Variants in GNB1L observed in about 807,000 individuals in gnomAD.
GNB1L encodes the protein G protein subunit beta 1 like, also known as guanine nucleotide-binding protein subunit beta-like protein 1.
GNB1L carries 20 observed loss-of-function variants against 29.1 expected under a neutral mutation model. The ratio of observed to expected loss-of-function variants is 0.69; its 90% CI spans 0.48 to 1.00. The LOEUF is 1.00. Ranked by LOEUF, GNB1L falls within the 50% of genes least tolerant of loss-of-function variation. The pLI is 0.00. For missense variants in GNB1L, 421 were observed against 464.9 expected (o/e 0.91, Z 0.87); for synonymous variants, 193 against 206.5 (o/e 0.93, Z 0.56).
chr22:19,813,951 G>A (rs1159804413), intron 4 of GNB1L, among the ~76,000 whole-genome samples: 3 of 152,074 alleles, frequency 2.0e-5, no homozygotes, highest in East Asian at 1.9e-4. Context: ...AGCCATGATC[G>A]AGTGACTGTG....
Position 19,792,469 on chromosome 22 carries a change from G to A in GNB1L, c.733-3509C>T, listed in dbSNP as rs1226390053. 276 of 1,580,246 alleles carry A rather than the reference G, an allele frequency of 1.7e-4. 1 individual carries two copies. In the East Asian group the frequency reaches 5.7e-3, roughly 33 times the overall value. On this transcript the variant is annotated intron_variant, in intron 7 of 7. Coordinates refer to ENST00000329517, the MANE Select transcript of GNB1L (RefSeq NM_053004.3). ...CTCACCCACTTTGTGAAATGGCCCC[G>A]CTATATCAGGTTGCAGCGGCAGAGA...
At chr22:19,826,874 T>C (rs1319087256) in intron 2 of GNB1L, among the ~76,000 whole-genome samples, 1 of 152,072 alleles carries the variant, frequency 6.6e-6, no homozygotes, top group Non-Finnish European at 1.5e-5. Context: ...AAGGAAACAA[T>C]CAGACACATC....
At chr22:19,805,312 T>TG (rs1429297422) in intron 6 of GNB1L, among the ~76,000 whole-genome samples, 1 of 152,094 alleles carries the variant, frequency 6.6e-6, no homozygotes, top group Non-Finnish European at 1.5e-5. Context: ...AGAGAAAAGC[T>TG]GGGGGCAGGG....
At chr22:19,794,722 G>A (rs1179127242) in intron 7 of GNB1L, among the ~76,000 whole-genome samples, 1 of 152,202 alleles carries the variant, frequency 6.6e-6, no homozygotes, top group Admixed American at 6.5e-5. Flanking sequence ...ACATCTGTCT[G>A]CTAAAGATGC....
intron 7 of GNB1L, among the ~76,000 whole-genome samples, chr22:19,799,355 A>C (rs2100043301): frequency 6.6e-6 from 1 of 152,236 alleles, no homozygotes; most frequent in Non-Finnish European, 1.5e-5. Context: ...AGGCAGGCTC[A>C]GGGCTCCAGT....
intron 6 of GNB1L, among the ~76,000 whole-genome samples, chr22:19,804,802 A>G (rs1937413936): frequency 6.6e-6 from 1 of 152,220 alleles, no homozygotes; most frequent in African/African-American, 2.4e-5. Context: ...CAACTACATT[A>G]ATTACCTTAA....
At chr22:19,810,630 C>T (rs1937488788) in intron 5 of GNB1L, among the ~76,000 whole-genome samples, 1 of 152,168 alleles carries the variant, frequency 6.6e-6, no homozygotes, top group Non-Finnish European at 1.5e-5. Context: ...TTCCGCCTGG[C>T]ACCTGACTGC....
intron 4 of GNB1L, among the ~76,000 whole-genome samples, chr22:19,813,263 G>A (rs969308650): frequency 2.6e-5 from 4 of 152,206 alleles, no homozygotes; most frequent in Admixed American, 2.0e-4. Flanking sequence ...CCAAGTCTTG[G>A]TTTCTTATGC....
At chr22:19,828,778 C>T (rs1004730735) in intron 2 of GNB1L, among the ~76,000 whole-genome samples, 2 of 151,282 alleles carry the variant, frequency 1.3e-5, no homozygotes, top group African/African-American at 4.9e-5. Flanking sequence ...ACAGGAGATG[C>T]AGAGTCACAG....
At chr22:19,851,181 A>G in intron 2 of GNB1L, 2 of 1,590,560 alleles carry the variant, frequency 1.3e-6, no homozygotes, top group East Asian at 4.6e-5. Flanking sequence ...AACCCAGGAG[A>G]AAGTGGTGGC....
In GNB1L at chr22:19,788,275, G is replaced by A; in HGVS notation, c.*434C>T. 1 of 460,780 alleles carries A rather than the reference G, an allele frequency of 2.2e-6. No homozygotes were observed. Among genetic ancestry groups the A allele is most frequent in the Non-Finnish European group, 3.9e-6 (1 of 258,100 alleles). The allele number at this position is 460,780 out of a possible 1,614,324, so 28.5% of individuals were successfully genotyped here. A position where few individuals can be genotyped will look rare whatever the true frequency, so the allele number is the denominator to read the frequency against. On this transcript the variant is annotated 3_prime_UTR_variant, in exon 8 of 8. Coordinates refer to ENST00000329517, the MANE Select transcript of GNB1L (RefSeq NM_053004.3). ...TATCATCTCCTGAGGCCTGGCCCAG[G>A]AAACCCACACTCGGGGTGGCCCATT...
intron 2 of GNB1L, among the ~76,000 whole-genome samples, chr22:19,822,982 G>A (rs1479983324): frequency 3.9e-5 from 6 of 152,198 alleles, no homozygotes; most frequent in African/African-American, 1.4e-4. Flanking sequence ...CAGAGTGGAG[G>A]GTGGACAGCA....
rs1301431240 is a variant in GNB1L at position 19,787,828 on chromosome 22, C to G, written c.*881G>C. On this transcript the variant is annotated 3_prime_UTR_variant, in exon 8 of 8. Transcript: ENST00000329517. ...AGGAGACGACCGGCCAGGCTGGGCCCGGCTGCATGCAGTGTGAGGCTCTGG... is the reference window on the plus strand; with the variant it reads ...AGGAGACGACCGGCCAGGCTGGGCCGGGCTGCATGCAGTGTGAGGCTCTGG... 6.6e-6 allele frequency: 1 copy of G among 152,526 alleles called. No individual in the cohort carries two copies. The highest frequency in any genetic ancestry group is 6.5e-5 in the Admixed American group (1 of 15,286). 9.4% of individuals were successfully genotyped at this position (152,526 alleles called of 1,614,324 possible). A position where few individuals can be genotyped will look rare whatever the true frequency, so the allele number is the denominator to read the frequency against.
Position 19,849,882 on chromosome 22 carries a change from C to G in GNB1L, c.-21+4561G>C, listed in dbSNP as rs539512616. 4 of 985,480 alleles carry G rather than the reference C, an allele frequency of 4.1e-6. No individual in the cohort carries two copies. In the African/African-American group the frequency reaches 5.2e-5, roughly 13 times the overall value. The allele number at this position is 985,480 out of a possible 1,614,324, so 61.0% of individuals were successfully genotyped here. A position where few individuals can be genotyped will look rare whatever the true frequency, so the allele number is the denominator to read the frequency against. On this transcript the variant is annotated intron_variant, in intron 2 of 7. Transcript: ENST00000329517. ...ACACTGGGCGGCTGTACCTGCCTAT[C>G]CTGTGGTAAACTTGGCTCCAGGAGC...
chr22:19,805,020 G>C (rs1249870118), intron 6 of GNB1L, among the ~76,000 whole-genome samples: 4 of 152,216 alleles, frequency 2.6e-5, no homozygotes, highest in Admixed American at 2.6e-4. Flanking sequence ...CCTTGGAGGA[G>C]CCTTGTGTGG....
At chr22:19,834,474 G>A (rs961065635) in intron 2 of GNB1L, among the ~76,000 whole-genome samples, 19 of 152,104 alleles carry the variant, frequency 1.2e-4, no homozygotes, top group African/African-American at 3.9e-4. Flanking sequence ...GGTAAAATGC[G>A]GTTTTATCAC....
Position 19,812,321 on chromosome 22 carries a change from G to A in GNB1L, c.381C>T (p.Arg127=), listed in dbSNP as rs764910561. The A allele has an allele frequency of 6.2e-6, 10 of 1,613,066 alleles. No individual in the cohort carries two copies. The South Asian group carries it at 1.1e-4, about 18-fold the overall frequency. The part of the protein sequence containing the change: ...RSSILAGGQP[R]WTLAVPGRGS... The stretch of plus-strand genomic sequence containing the variant: ...CCCTCCCTGGCACGGCAAGCGTCCA[G>A]CGTGGCTGGCCCCCGGCCAGGATGC... Residue 127 remains arginine, a synonymous_variant, in exon 5 of 8, where the codon CGC becomes CGT. Coordinates refer to ENST00000329517, the MANE Select transcript of GNB1L (RefSeq NM_053004.3).
intron 2 of GNB1L, among the ~76,000 whole-genome samples, chr22:19,841,507 C>T (rs570853977): frequency 3.3e-5 from 5 of 152,132 alleles, no homozygotes; most frequent in South Asian, 2.1e-4. Flanking sequence ...TGGTGGTGCC[C>T]GCCATGATAG....
At chr22:19,808,768 A>T (rs904467514) in intron 5 of GNB1L, among the ~76,000 whole-genome samples, 1 of 152,234 alleles carries the variant, frequency 6.6e-6, no homozygotes. Context: ...GTGAAGAGCT[A>T]GAGGCACCAG....
Sources: gnomAD v4.1 joint callset for allele counts (sites outside exome capture counted in the v4.1 genomes callset) on GRCh38, gnomAD v4.1.1 for gene constraint, MANE v1.5 for transcripts, NCBI Gene and HGNC (gene_info 2026-07-23, HGNC 2026-07-21) for gene names.